Variants in SOX13 observed in about 807,000 individuals in gnomAD.
SOX13 encodes SRY-box transcription factor 13.
SOX13 carries 28 observed loss-of-function variants against 71.8 expected under a neutral mutation model. That is an observed-to-expected ratio of 0.39 (90% confidence interval 0.29 to 0.53). SOX13 has a LOEUF of 0.53. SOX13 is among the 20% of genes least tolerant of loss of function. The probability of loss-of-function intolerance (pLI) is 0.70; values close to 1 mark genes in which losing one functional copy is unlikely to be tolerated. For missense variants in SOX13, 627 were observed against 810.3 expected, an observed-to-expected ratio of 0.77 and a Z score of 2.75; for synonymous variants, 309 against 317.8, an observed-to-expected ratio of 0.97 and a Z score of 0.29.
intron 1 of SOX13, among the ~76,000 whole-genome samples, chr1:204,080,516 G>C (rs557916265): frequency 6.6e-6 from 1 of 152,102 alleles, no homozygotes; most frequent in Admixed American, 6.5e-5. Context: ...GAGGAGGCCC[G>C]ACTGTTCTCC....
Position 204,087,888 on chromosome 1 carries a change from G to A in SOX13, c.-2+14177G>A, listed in dbSNP as rs556485019. On this transcript the variant is annotated intron_variant, in intron 1 of 13. Transcript: ENST00000367204. ...CTACTCCTCAGATTTGGCAGATGAG[G>A]ATATTGGAAATTGTCTAGGTAGTGG... Among the ~76,000 whole-genome samples the A allele has an allele frequency of 5.9e-5, 9 of 152,358 alleles. No homozygotes were observed. In the South Asian group the frequency reaches 1.9e-3, roughly 32 times the overall value.
chr1:204,112,211 C>T (rs192167932), intron 1 of SOX13, among the ~76,000 whole-genome samples: 9 of 152,238 alleles, frequency 5.9e-5, no homozygotes, highest in African/African-American at 1.9e-4. Flanking sequence ...GAGGCTGAGG[C>T]GGGCAGATCA....
At chr1:204,100,151 G>T (rs1472847056) in intron 1 of SOX13, among the ~76,000 whole-genome samples, 1 of 152,184 alleles carries the variant, frequency 6.6e-6, no homozygotes, top group Non-Finnish European at 1.5e-5. Flanking sequence ...AAAAAGTAAA[G>T]TTAGCCATAA....
chr1:204,101,520 T>A (rs866721631), intron 1 of SOX13, among the ~76,000 whole-genome samples: 5 of 39,008 alleles, frequency 1.3e-4, no homozygotes, highest in African/African-American at 1.1e-4. Flanking sequence ...AAAAAAAAAG[T>A]GGCAGGAGGC....
chr1:204,123,604 G>T lies in SOX13; in HGVS notation c.1232-57G>T. ...TAGGGGACGTCTCTCTGCTGGCCCT[G>T]GGGCACTCTCCTGACCCCAGACAGG... is the stretch of plus-strand genomic sequence containing the variant. On this transcript the variant is annotated intron_variant, in intron 11 of 13. Transcript: ENST00000367204. The surrounding 1 kb of genome is among the most constrained non-coding windows in gnomAD (Gnocchi z 5.0). The T allele has an allele frequency of 6.3e-7, 1 of 1,579,150 alleles. No homozygotes were observed. The highest frequency in any genetic ancestry group is 8.6e-7 in the Non-Finnish European group (1 of 1,159,376).
intron 1 of SOX13, among the ~76,000 whole-genome samples, chr1:204,100,522 CCCTT>C (rs1257239123): frequency 6.6e-6 from 1 of 152,234 alleles, no homozygotes; most frequent in African/African-American, 2.4e-5. Context: ...GCTGCTTCTC[CCCTT>C]CCTTCCCTGC....
chr1:204,120,576 C>T (rs187687080), intron 7 of SOX13, among the ~76,000 whole-genome samples: 71 of 152,352 alleles, frequency 4.7e-4, no homozygotes, highest in African/African-American at 4.1e-4. Flanking sequence ...CCAACCTGGC[C>T]CCCATGGCCT....
rs921354185 is a variant in SOX13, at chr1:204,101,487, G to A, written c.-1-11428G>A. 4.5e-5 allele frequency among the ~76,000 whole-genome samples: 6 copies of A among 132,032 alleles called. No individual in the cohort carries two copies. In the East Asian group the frequency reaches 6.7e-4, roughly 15 times the overall value. 86.6% of individuals were successfully genotyped at this position (132,032 alleles called of 152,430 possible). A position where few individuals can be genotyped will look rare whatever the true frequency, so the allele number is the denominator to read the frequency against. ...TTCAAACCAGCCTGGGCAACATAGC[G>A]AGATTCCCTCTTTATTTAAAAAAAA... On this transcript the variant is annotated intron_variant, in intron 1 of 13. Coordinates refer to ENST00000367204, the MANE Select transcript of SOX13 (RefSeq NM_005686.3).
Position 204,114,687 on chromosome 1 carries a change from G to C in SOX13, c.418+82G>C, listed in dbSNP as rs545424282. 9.6e-5 allele frequency: 101 copies of C among 1,052,052 alleles called. No homozygotes were observed. The African/African-American group carries it at 1.3e-3, about 14-fold the overall frequency. The allele number at this position is 1,052,052 out of a possible 1,614,324, so 65.2% of individuals were successfully genotyped here. On this transcript the variant is annotated intron_variant, in intron 4 of 13. Transcript: ENST00000367204. ...CTGGCCACGCAGCCTGGCTCTGTAG[G>C]GCAGTTCTTGGTACATACCTATCCT...
chr1:204,114,956 C>T (rs539028441), intron 4 of SOX13, among the ~76,000 whole-genome samples: 2 of 152,206 alleles, frequency 1.3e-5, no homozygotes, highest in African/African-American at 2.4e-5. Flanking sequence ...TCAGTTGGAC[C>T]TCACTAAGTG....
At chr1:204,122,620 A>T (rs1461780221) in intron 9 of SOX13, 1 of 589,832 alleles carries the variant, frequency 1.7e-6, no homozygotes, top group African/African-American at 2.3e-5. Flanking sequence ...ACATAGTTCC[A>T]GGGGGTACTG....
At chr1:204,076,712 A>G (rs1208536433) in intron 1 of SOX13, among the ~76,000 whole-genome samples, 2 of 152,160 alleles carry the variant, frequency 1.3e-5, no homozygotes. Context: ...CACCCCAGGC[A>G]TGGGGGAGGA....
intron 1 of SOX13, among the ~76,000 whole-genome samples, chr1:204,108,713 G>A (rs895397671): frequency 2.0e-5 from 3 of 152,226 alleles, no homozygotes; most frequent in South Asian, 2.1e-4. Flanking sequence ...GCGCTGAGCC[G>A]ACGGATCAGA....
At chr1:204,093,605 G>C (rs1436021445) in intron 1 of SOX13, among the ~76,000 whole-genome samples, 1 of 152,200 alleles carries the variant, frequency 6.6e-6, no homozygotes, top group African/African-American at 2.4e-5. Context: ...TGTCCCCTTG[G>C]CACCCAGCCC....
chr1:204,085,873 G>C (rs961346996), intron 1 of SOX13, among the ~76,000 whole-genome samples: 1 of 151,714 alleles, frequency 6.6e-6, no homozygotes, highest in Non-Finnish European at 1.5e-5. Context: ...CCAGCTACTC[G>C]GGAGGCTGAG....
chr1:204,080,405 C>T (rs1655878510), intron 1 of SOX13, among the ~76,000 whole-genome samples: 1 of 152,120 alleles, frequency 6.6e-6, no homozygotes, highest in Non-Finnish European at 1.5e-5. Context: ...GGGAAGGGGC[C>T]ACAGACTGGG....
intron 7 of SOX13, chr1:204,119,851 A>G (rs559700129): frequency 2.6e-5 from 4 of 152,242 alleles, no homozygotes; most frequent in Admixed American, 6.6e-5. Flanking sequence ...CTACAAAAAA[A>G]AAAAAAAAGC....
At chr1:204,086,621 G>T (rs969704903) in intron 1 of SOX13, among the ~76,000 whole-genome samples, 1 of 152,146 alleles carries the variant, frequency 6.6e-6, no homozygotes, top group Non-Finnish European at 1.5e-5. Context: ...TTCTAGAAAG[G>T]CAGGATAGTT....
rs554161017 is a variant in SOX13, at chr1:204,092,756, G to A, written c.-2+19045G>A. Among the ~76,000 whole-genome samples, 40 of 152,232 alleles carry A rather than the reference G, an allele frequency of 2.6e-4. 1 individual carries two copies. In the South Asian group the frequency reaches 3.7e-3, roughly 14 times the overall value. On this transcript the variant is annotated intron_variant, in intron 1 of 13. Coordinates refer to ENST00000367204, the MANE Select transcript of SOX13 (RefSeq NM_005686.3). Reference sequence around the variant, plus strand: ...TGCTCCTCCTAGGGTCATGGGCATGGCCTTTATGGGGTATGGGAAAGGAGG... The same window carrying A: ...TGCTCCTCCTAGGGTCATGGGCATGACCTTTATGGGGTATGGGAAAGGAGG...
Sources: gnomAD v4.1 joint callset for allele counts (sites outside exome capture counted in the v4.1 genomes callset) on GRCh38, gnomAD v4.1.1 for gene constraint, Gnocchi (gnomAD v3.1) non-coding constraint, MANE v1.5 for transcripts, NCBI Gene and HGNC (gene_info 2026-07-23, HGNC 2026-07-21) for gene names.